SP100: variants seen among roughly 807,000 people sequenced by gnomAD.
SP100 encodes SP100 nuclear body protein.
Under a neutral mutation model 130.0 loss-of-function variants are expected in SP100, and 84 were observed. The ratio of observed to expected loss-of-function variants is 0.65; its 90% CI spans 0.54 to 0.77. The LOEUF is 0.77. Among genes scored for constraint, SP100 ranks in the 30% least tolerant of loss-of-function variants. The probability of loss-of-function intolerance (pLI) is 0.00; values close to 1 mark genes in which losing one functional copy is unlikely to be tolerated. For synonymous variants in SP100, 331 were observed against 351.7 expected, an observed-to-expected ratio of 0.94 and a Z score of 0.66; for missense variants, 978 against 1,052.2, an observed-to-expected ratio of 0.93 and a Z score of 0.97.
intron 1 of SP100, 26 bp from the exon 2 acceptor site, chr2:230,417,565 T>G: frequency 6.2e-7 from 1 of 1,606,328 alleles, no homozygotes; most frequent in Admixed American, 1.7e-5. Flanking sequence ...AGTTATTTAC[T>G]TGGTCCTGCC....
rs1690017866 is a variant in SP100, at chr2:230,505,534, A to T, written c.1871-769A>T. Among the ~76,000 whole-genome samples the T allele has an allele frequency of 2.6e-5, 4 of 152,194 alleles. No homozygotes were observed. In the South Asian group the frequency reaches 8.3e-4, roughly 32 times the overall value. The stretch of plus-strand genomic sequence containing the variant: ...TGAACTTCCTTCTCTACAAAATCAG[A>T]ACAATAATATAACTTGCCTCACTGT... On this transcript the variant is annotated intron_variant, in intron 21 of 28. Coordinates refer to ENST00000340126, the MANE Select transcript of SP100 (RefSeq NM_001080391.2).
chr2:230,448,947 T>C (rs2149921026), intron 5 of SP100, 141 bp from the exon 6 acceptor site: 1 of 683,610 alleles, frequency 1.5e-6, no homozygotes, highest in East Asian at 2.5e-5. Context: ...AGGTAGCATC[T>C]GCCAGCTCCA....
At chr2:230,542,116 G>T in intron 28 of SP100, 81 bp downstream of exon 28, 1 of 1,455,340 alleles carries the variant, frequency 6.9e-7, no homozygotes, top group South Asian at 1.2e-5. Flanking sequence ...TTCATGTCAG[G>T]TAAATGTTAC....
intron 24 of SP100, among the ~76,000 whole-genome samples, chr2:230,513,518 T>A (rs1326717823): frequency 2.7e-5 from 4 of 148,294 alleles, no homozygotes; most frequent in Admixed American, 6.7e-5. Flanking sequence ...CCTTTTTGAT[T>A]AAAAAAAAAA....
At chr2:230,479,772 G>A (rs577769579) in intron 17 of SP100, among the ~76,000 whole-genome samples, 2 of 152,350 alleles carry the variant, frequency 1.3e-5, no homozygotes, top group South Asian at 4.1e-4. Context: ...CAGTGAAGAT[G>A]GTGGAATGTT....
chr2:230,530,896 G>T (rs546346473), intron 24 of SP100, among the ~76,000 whole-genome samples: 23 of 152,106 alleles, frequency 1.5e-4, no homozygotes, highest in Non-Finnish European at 3.1e-4. Context: ...GTAGAATGGC[G>T]ATCATTAAAA....
At chr2:230,473,557 C>A in intron 16 of SP100, 117 bp downstream of exon 16, 1 of 589,124 alleles carries the variant, frequency 1.7e-6, no homozygotes, top group Non-Finnish European at 3.0e-6. Flanking sequence ...TCTGGATCAC[C>A]AACAGGAAGT....
chr2:230,417,822 T>TC (rs1028381408), intron 2 of SP100, among the ~76,000 whole-genome samples, 157 bp downstream of exon 2: 4 of 152,126 alleles, frequency 2.6e-5, no homozygotes, highest in African/African-American at 4.8e-5. Context: ...GTTTGTCCTT[T>TC]TTTTCGTGAT....
chr2:230,430,588 G>C (rs944556078), intron 2 of SP100, among the ~76,000 whole-genome samples: 1 of 152,248 alleles, frequency 6.6e-6, no homozygotes, highest in Non-Finnish European at 1.5e-5. Flanking sequence ...TGGAATCCCT[G>C]TTCAGGCAAA....
chr2:230,448,360 G>T (rs2063805880), intron 5 of SP100, among the ~76,000 whole-genome samples: 1 of 152,088 alleles, frequency 6.6e-6, no homozygotes, highest in Non-Finnish European at 1.5e-5. Context: ...TGTGGCGGTT[G>T]GTTTAATGCT....
chr2:230,510,101 A>G, intron 23 of SP100: 1 of 152,632 alleles, frequency 6.6e-6, no homozygotes. Context: ...GCAGGTGGTA[A>G]TATGGCCACC....
chr2:230,539,532 A>G (rs1692081929), intron 25 of SP100, 150 bp downstream of exon 25: 5 of 606,064 alleles, frequency 8.2e-6, no homozygotes, highest in Non-Finnish European at 1.5e-5. Context: ...ATCCACAAGT[A>G]TTATCCAGAG....
intron 25 of SP100, among the ~76,000 whole-genome samples, chr2:230,540,059 G>T (rs1279906922): frequency 6.6e-6 from 1 of 152,202 alleles, no homozygotes; most frequent in Non-Finnish European, 1.5e-5. Context: ...TGTCATCTCA[G>T]GGGATCAGCA....
chr2:230,534,035 G>A (rs896204612), intron 24 of SP100, among the ~76,000 whole-genome samples: 14 of 152,242 alleles, frequency 9.2e-5, no homozygotes, highest in African/African-American at 3.4e-4. Context: ...GCAAAAAAAG[G>A]AGGAAAAAGA....
At chr2:230,468,917 G>T in intron 13 of SP100, 126 bp from the exon 14 acceptor site, 1 of 548,336 alleles carries the variant, frequency 1.8e-6, no homozygotes, top group Non-Finnish European at 3.2e-6. Context: ...TCCCTTAGAT[G>T]GGAAGAGACA....
chr2:230,480,142 T>C (rs2065764763), intron 17 of SP100, among the ~76,000 whole-genome samples: 1 of 152,190 alleles, frequency 6.6e-6, no homozygotes, highest in Non-Finnish European at 1.5e-5. Flanking sequence ...TTCATTGCTG[T>C]CTCCCCACTA....
chr2:230,434,604 A>G (rs767292476), intron 2 of SP100, among the ~76,000 whole-genome samples: 2 of 152,280 alleles, frequency 1.3e-5, no homozygotes, highest in Middle Eastern at 3.4e-3. Context: ...GCATGAGAAA[A>G]AAAAATAGAG....
At chr2:230,440,111 G>A (rs1460558348) in intron 2 of SP100, among the ~76,000 whole-genome samples, 6 of 152,128 alleles carry the variant, frequency 3.9e-5, no homozygotes, top group Middle Eastern at 3.4e-3. Context: ...TGGAAATAAG[G>A]CAAGGAAGTC....
chr2:230,464,056 CT>C lies in SP100; in HGVS notation c.1058-7del. ...ACTGAGACCTCTAAAGAATCCCATT[CT>C]TTTGTGCAGTGATCAATAATGACAA... On this transcript the variant is annotated splice_polypyrimidine_tract_variant and intron_variant, in intron 10 of 28. Transcript: ENST00000340126. The C allele has an allele frequency of 6.3e-7, 1 of 1,591,192 alleles. No individual in the cohort carries two copies. The highest frequency in any genetic ancestry group is 1.3e-5 in the African/African-American group (1 of 74,530).
Sources: gnomAD v4.1 joint callset for allele counts (sites outside exome capture counted in the v4.1 genomes callset) on GRCh38, gnomAD v4.1.1 for gene constraint, MANE v1.5 for transcripts, NCBI Gene and HGNC (gene_info 2026-07-23, HGNC 2026-07-21) for gene names.